Variants in STK4 observed in about 807,000 individuals in gnomAD.
The protein encoded by STK4 is serine/threonine kinase 4.
A neutral mutation model predicts 64.9 loss-of-function variants in STK4; 30 were observed. The ratio of observed to expected loss-of-function variants is 0.46; its 90% CI spans 0.35 to 0.63. The LOEUF is 0.63. Among genes scored for constraint, STK4 ranks in the 20% least tolerant of loss-of-function variants. The pLI, the probability that STK4 is intolerant of heterozygous loss-of-function variation, is 0.01. For synonymous variants in STK4, 177 were observed against 199.0 expected (o/e 0.89, Z 0.93); for missense variants, 466 against 598.5 (o/e 0.78, Z 2.31).
chr20:45,054,193 T>C (rs1428855111), intron 10 of STK4, among the ~76,000 whole-genome samples: 1 of 152,198 alleles, frequency 6.6e-6, no homozygotes, highest in Non-Finnish European at 1.5e-5. Context: ...TGCTTCATTC[T>C]CTCTCTGTTT....
At chr20:44,983,216 A>G (rs1229591843) in intron 4 of STK4, among the ~76,000 whole-genome samples, 1 of 152,202 alleles carries the variant, frequency 6.6e-6, no homozygotes, top group Non-Finnish European at 1.5e-5. Flanking sequence ...ATTGCAGGTC[A>G]TGGGAATGAG....
rs1278137238 is a variant in STK4, at chr20:45,044,371, A to AC, written c.1305+19243dup. Among the ~76,000 whole-genome samples the AC allele has an allele frequency of 5.9e-5, 9 of 152,276 alleles. No homozygotes were observed. The East Asian group carries it at 1.7e-3, about 29-fold the overall frequency. On this transcript the variant is annotated intron_variant, in intron 10 of 10. Transcript: ENST00000372806. ...GCCGGGTGAATGATAAAATTACCGAACCAGTGGCTCATGCCTATAATCCCA... is the reference window on the plus strand; with the variant it reads ...GCCGGGTGAATGATAAAATTACCGAACCCAGTGGCTCATGCCTATAATCCCA...
intron 10 of STK4, among the ~76,000 whole-genome samples, chr20:45,065,896 A>G (rs1486326575): frequency 2.7e-5 from 4 of 150,222 alleles, no homozygotes; most frequent in Non-Finnish European, 3.0e-5. Context: ...GATTTTGGTT[A>G]TTTATTTTTG....
At chr20:45,074,799 G>C (rs1396770983) in intron 10 of STK4, among the ~76,000 whole-genome samples, 1 of 152,172 alleles carries the variant, frequency 6.6e-6, no homozygotes, top group Non-Finnish European at 1.5e-5. Flanking sequence ...TTAGCACTTA[G>C]ATCTCTTCCA....
intron 10 of STK4, among the ~76,000 whole-genome samples, chr20:45,026,913 G>A (rs543187265): frequency 6.6e-6 from 1 of 152,230 alleles, no homozygotes; most frequent in East Asian, 1.9e-4. Context: ...GCTAATCATA[G>A]TAGACTTACG....
chr20:45,015,334 T>G (rs1371238846), intron 9 of STK4, among the ~76,000 whole-genome samples: 1 of 152,224 alleles, frequency 6.6e-6, no homozygotes, highest in Non-Finnish European at 1.5e-5. Flanking sequence ...ATTGTCTCCC[T>G]TGTGTGTTAT....
chr20:45,017,301 G>A, intron 9 of STK4, among the ~76,000 whole-genome samples: 1 of 152,122 alleles, frequency 6.6e-6, no homozygotes, highest in East Asian at 1.9e-4. Context: ...ATTACTCTAG[G>A]CGCTTCAAAT....
intron 9 of STK4, among the ~76,000 whole-genome samples, chr20:45,014,944 TG>T (rs2145356039): frequency 6.6e-6 from 1 of 152,328 alleles, no homozygotes; most frequent in South Asian, 2.1e-4. Flanking sequence ...CTTTAAAACT[TG>T]TACTTAGTGC....
intron 10 of STK4, among the ~76,000 whole-genome samples, chr20:45,067,858 A>G (rs1175052014): frequency 2.0e-5 from 3 of 152,200 alleles, no homozygotes; most frequent in African/African-American, 7.2e-5. Flanking sequence ...GCCCAGAGGA[A>G]ATAAACCAGG....
intron 9 of STK4, among the ~76,000 whole-genome samples, chr20:45,020,709 G>C (rs1454055774): frequency 6.6e-6 from 1 of 152,096 alleles, no homozygotes; most frequent in African/African-American, 2.4e-5. Flanking sequence ...GCTGGGGATG[G>C]CTGATTTATT....
chr20:44,980,732 G>A (rs575101623), intron 3 of STK4, among the ~76,000 whole-genome samples: 1 of 152,166 alleles, frequency 6.6e-6, no homozygotes, highest in South Asian at 2.1e-4. Flanking sequence ...GCAGTGGCGC[G>A]ATCTCGACTC....
intron 9 of STK4, among the ~76,000 whole-genome samples, chr20:45,005,060 C>T (rs1024021657): frequency 4.0e-5 from 6 of 151,884 alleles, no homozygotes; most frequent in African/African-American, 9.7e-5. Context: ...CATGAGCCAC[C>T]GCGCCCAGCC....
chr20:45,016,438 C>T (rs1466327747), intron 9 of STK4, among the ~76,000 whole-genome samples: 1 of 152,160 alleles, frequency 6.6e-6, no homozygotes, highest in Admixed American at 6.5e-5. Flanking sequence ...CATCTTGGTA[C>T]TTAGGTTTTT....
intron 10 of STK4, among the ~76,000 whole-genome samples, chr20:45,030,288 TAG>T (rs1568737077): frequency 1.3e-5 from 2 of 152,226 alleles, no homozygotes; most frequent in African/African-American, 4.8e-5. Flanking sequence ...GTATTTTTAG[TAG>T]AGACAGGGTT....
intron 10 of STK4, 92 bp downstream of exon 10, chr20:45,025,222 G>T (rs928981086): frequency 6.9e-7 from 1 of 1,459,740 alleles, no homozygotes; most frequent in East Asian, 2.3e-5. Flanking sequence ...TGTGCATTTT[G>T]AGTCTCCTAA....
At chr20:45,000,923 C>T (rs1379867830) in intron 8 of STK4, among the ~76,000 whole-genome samples, 2 of 152,092 alleles carry the variant, frequency 1.3e-5, no homozygotes, top group Non-Finnish European at 2.9e-5. Context: ...AGATCTATGT[C>T]ACAAAACTCT....
intron 9 of STK4, among the ~76,000 whole-genome samples, chr20:45,013,785 T>A (rs933249720): frequency 2.0e-5 from 3 of 152,152 alleles, no homozygotes; most frequent in African/African-American, 7.2e-5. Context: ...CTTTACCAAT[T>A]TTTGATACTT....
intron 9 of STK4, among the ~76,000 whole-genome samples, chr20:45,001,559 AAC>A (rs773152668): frequency 3.3e-5 from 5 of 152,184 alleles, no homozygotes; most frequent in Non-Finnish European, 7.3e-5. Flanking sequence ...AGAAAGCATC[AAC>A]AGTGAGAAAG....
At chr20:45,072,195 A>G (rs1354137300) in intron 10 of STK4, among the ~76,000 whole-genome samples, 1 of 152,196 alleles carries the variant, frequency 6.6e-6, no homozygotes, top group Non-Finnish European at 1.5e-5. Context: ...TAGGTCATAC[A>G]CTGAGAAACA....
Sources: allele counts gnomAD v4.1 joint callset (sites outside exome capture counted in the v4.1 genomes callset), GRCh38; gene constraint gnomAD v4.1.1; transcripts MANE v1.5; gene names NCBI Gene and HGNC (gene_info 2026-07-23, HGNC 2026-07-21).